AMMECR1: variants seen among roughly 807,000 people sequenced by gnomAD.
AMMECR1 encodes nuclear protein AMMECR1.
In AMMECR1, 3 loss-of-function variants were observed where a neutral mutation model predicts 22.5. That is an observed-to-expected ratio of 0.13 (90% CI 0.06 to 0.35). AMMECR1 has a LOEUF of 0.35. Ranked by LOEUF, AMMECR1 falls within the 10% of genes least tolerant of loss-of-function variation. The probability of loss-of-function intolerance (pLI) is 1.00; values close to 1 mark genes in which losing one functional copy is unlikely to be tolerated. For missense variants in AMMECR1, 235 were observed against 278.7 expected, an observed-to-expected ratio of 0.84 and a Z score of 1.12; for synonymous variants, 130 against 116.7, an observed-to-expected ratio of 1.11 and a Z score of -0.74.
chrX:110,385,771 A>G (rs2068450805), intron 2 of AMMECR1, among the ~76,000 whole-genome samples: 1 of 107,812 alleles, frequency 9.3e-6, no homozygotes, highest in Non-Finnish European at 1.9e-5. Context: ...CCCATCACCC[A>G]GACAGTGAGC....
chrX:110,267,496 T>C (rs1393284672), intron 1 of AMMECR1, among the ~76,000 whole-genome samples: 1 of 111,469 alleles, frequency 9.0e-6, no homozygotes, highest in Non-Finnish European at 1.9e-5. Context: ...CCCGTAACAA[T>C]GGCTATCCAA....
At chrX:110,384,059 T>C (rs747976067) in intron 2 of AMMECR1, among the ~76,000 whole-genome samples, 19 of 112,211 alleles carry the variant, frequency 1.7e-4, no homozygotes, top group Non-Finnish European at 3.4e-4. Flanking sequence ...ATTTCTTCTA[T>C]TGTTTTATTG....
chrX:110,401,505 G>A (rs1209262970), intron 2 of AMMECR1, among the ~76,000 whole-genome samples: 1 of 111,527 alleles, frequency 9.0e-6, no homozygotes, highest in Non-Finnish European at 1.9e-5. Flanking sequence ...ATATTTATTG[G>A]TGCCTTCCCA....
intron 2 of AMMECR1, among the ~76,000 whole-genome samples, chrX:110,404,206 C>T (rs773921564): frequency 8.9e-6 from 1 of 111,980 alleles, no homozygotes; most frequent in Admixed American, 9.5e-5. Context: ...GAGGCTAAAT[C>T]GTCCTTATAA....
intron 1 of AMMECR1, among the ~76,000 whole-genome samples, chrX:110,430,736 A>G (rs1376836492): frequency 1.8e-5 from 2 of 112,660 alleles, no homozygotes; most frequent in Non-Finnish European, 3.8e-5. Flanking sequence ...GTTTGAAAGC[A>G]GGAACCATGA....
chrX:110,393,527 C>T (rs1319311577), intron 2 of AMMECR1, among the ~76,000 whole-genome samples: 3 of 111,550 alleles, frequency 2.7e-5, no homozygotes, highest in Non-Finnish European at 5.7e-5. Context: ...CTCCAAGTCC[C>T]TCTGTCCCTC....
chrX:110,227,702 C>T (rs2067540938), intron 2 of AMMECR1, among the ~76,000 whole-genome samples: 3 of 111,841 alleles, frequency 2.7e-5, no homozygotes. Flanking sequence ...CAAAGGCATA[C>T]GGCAGCTGCC....
intron 2 of AMMECR1, among the ~76,000 whole-genome samples, chrX:110,342,381 T>C (rs765331895): frequency 9.0e-6 from 1 of 110,913 alleles, no homozygotes; most frequent in African/African-American, 3.3e-5. Context: ...GAATATTCTT[T>C]TTTTTTTGAG....
intron 3 of AMMECR1, among the ~76,000 whole-genome samples, chrX:110,210,064 AT>A (rs1307081626): frequency 2.7e-5 from 3 of 110,963 alleles, no homozygotes; most frequent in Non-Finnish European, 5.7e-5. Flanking sequence ...TCAGCAGCGC[AT>A]TTTGCTAAGA....
chrX:110,272,691 T>G (rs779097210), intron 1 of AMMECR1, among the ~76,000 whole-genome samples: 1 of 111,600 alleles, frequency 9.0e-6, no homozygotes, highest in Non-Finnish European at 1.9e-5. Context: ...GAGTCTCCAG[T>G]GTCTATTATT....
intron 2 of AMMECR1, among the ~76,000 whole-genome samples, chrX:110,408,165 C>A (rs767208789): frequency 1.8e-5 from 2 of 112,587 alleles, no homozygotes; most frequent in Non-Finnish European, 3.8e-5. Flanking sequence ...CTGAACTGAG[C>A]AGGAGCAGGT....
At chrX:110,340,300 A>G (rs1205952488) in intron 2 of AMMECR1, among the ~76,000 whole-genome samples, 1 of 112,110 alleles carries the variant, frequency 8.9e-6, no homozygotes, top group African/African-American at 3.2e-5. Context: ...AAGTGTAGGT[A>G]GTGAATTTTT....
At chrX:110,340,220 G>A (rs1042842166) in intron 2 of AMMECR1, among the ~76,000 whole-genome samples, 6 of 111,355 alleles carry the variant, frequency 5.4e-5, no homozygotes, top group African/African-American at 2.0e-4. Flanking sequence ...ATGAGATAAC[G>A]CATGTAAAGT....
chrX:110,368,008 T>TTAG (rs1353870100), intron 2 of AMMECR1, among the ~76,000 whole-genome samples: 2 of 103,999 alleles, frequency 1.9e-5, no homozygotes, highest in African/African-American at 3.5e-5. Context: ...ATTATTATTA[T>TTAG]TATTATTATT....
At chrX:110,367,413 GT>G (rs1302564911) in intron 2 of AMMECR1, among the ~76,000 whole-genome samples, 1 of 111,600 alleles carries the variant, frequency 9.0e-6, no homozygotes. Context: ...TATCTCCTCA[GT>G]ATTAAATTCA....
In AMMECR1 at chrX:110,416,006, CAAA is replaced by C. The variant is rs58422043; in HGVS notation, c.-148+10649_-148+10651del. 9.0e-3 allele frequency among the ~76,000 whole-genome samples: 671 copies of C among 74,363 alleles called. 5 individuals carry two copies. The highest frequency in any genetic ancestry group is 0.029 in the African/African-American group (644 of 21,929). 64.6% of individuals were successfully genotyped at this position (74,363 alleles called of 115,157 possible). On this transcript the variant is annotated intron_variant, in intron 2 of 7. Transcript: ENST00000372057. ...GTGGGTTAACTTAACCCAGAAGAGG[CAAA>C]AAAAAAAAAAAAATGGGAAGCAGAC...
intron 2 of AMMECR1, among the ~76,000 whole-genome samples, chrX:110,228,026 A>G (rs1449706043): frequency 8.9e-6 from 1 of 112,139 alleles, no homozygotes; most frequent in African/African-American, 3.2e-5. Flanking sequence ...GTGTGCTTTT[A>G]AATGGCATAT....
At chrX:110,241,052 A>T (rs1003257698) in intron 2 of AMMECR1, among the ~76,000 whole-genome samples, 13 of 112,153 alleles carry the variant, frequency 1.2e-4, no homozygotes, top group Admixed American at 5.7e-4. Context: ...GACACAATGT[A>T]CCAGAATCTT....
At chrX:110,317,328 C>G (rs12012582) in intron 1 of AMMECR1, among the ~76,000 whole-genome samples, 202 of 111,281 alleles carry the variant, frequency 1.8e-3, no homozygotes, top group African/African-American at 6.4e-3. Flanking sequence ...GTAAAGGAGT[C>G]AAAACTCCTC....
Sources: gnomAD v4.1 joint callset for allele counts (sites outside exome capture counted in the v4.1 genomes callset) on GRCh38, gnomAD v4.1.1 for gene constraint, MANE v1.5 for transcripts, NCBI Gene and HGNC (gene_info 2026-07-23, HGNC 2026-07-21) for gene names.